The following ABCA7 variants were observed in gnomAD, a reference collection of about 807,000 sequenced individuals.
ABCA7 encodes the protein ATP binding cassette subfamily A member 7.
In ABCA7, 261 loss-of-function variants were observed where a neutral mutation model predicts 227.6. That is an observed-to-expected ratio of 1.15 (90% CI 1.04 to 1.27). The LOEUF (loss-of-function observed/expected upper bound fraction) is 1.27, where lower values mean the gene tolerates loss of function less well. Among genes scored for constraint, ABCA7 ranks in the 50% most tolerant of loss-of-function variants. The pLI is 0.00. For synonymous variants in ABCA7, 1,488 were observed against 1,279.7 expected (o/e 1.16, Z -3.47); for missense variants, 3,331 against 2,924.5 (o/e 1.14, Z -3.21).
chr19:1,044,111 T>A (rs964479773), intron 10 of ABCA7, among the ~76,000 whole-genome samples: 4 of 151,488 alleles, frequency 2.6e-5, no homozygotes, highest in African/African-American at 4.9e-5. Flanking sequence ...TGATTTTTTT[T>A]TTTTATTTTT....
In ABCA7 at chr19:1,046,973, C is replaced by G; in HGVS notation, c.1794C>G (p.Ser598Arg). The change falls in exon 14 of 47, where the codon AGC (serine) becomes AGG (arginine). Residue 598 changes from serine to arginine, a missense_variant. Transcript: ENST00000263094. ...TGCTCTGGCTAGGCTGGTTCCTCAG[C>G]TGCCTCGGGCCCTTCCTGCTCAGCG... is the stretch of plus-strand genomic sequence containing the variant. The part of the protein sequence containing the change: ...RAVLWLGWFL[S>R]CLGPFLLSAA... 1.3e-6 allele frequency: 2 copies of G among 1,583,756 alleles called. No individual in the cohort carries two copies. The highest frequency in any genetic ancestry group is 2.3e-5 in the South Asian group (2 of 87,220).
rs751280346 is a variant in ABCA7, at chr19:1,056,930, T to G, written c.4610T>G (p.Leu1537Arg). ...AGGATGGCCTCCTCGGTGGACGTCC[T>G]CGTCTCCATCTGTGTGGTCTTTGCC... ...GALMASSVDVLVSICVVFAMS... is the reference protein window; with the variant it reads ...GALMASSVDVRVSICVVFAMS... Residue 1537 changes from leucine (L) to arginine (R), a missense_variant, in exon 34 of 47, where the codon CTC becomes CGC. Coordinates refer to ENST00000263094, the MANE Select transcript of ABCA7 (RefSeq NM_019112.4). This position sits in a 1 kb window ranked among gnomAD's most constrained non-coding sequence, Gnocchi z 4.3. 1 of 1,613,948 alleles carries G rather than the reference T, an allele frequency of 6.2e-7. No individual in the cohort carries two copies. Among genetic ancestry groups the G allele is most frequent in the Admixed American group, 1.7e-5 (1 of 60,010 alleles).
In ABCA7 at chr19:1,051,555, T is replaced by C. The variant is rs777378517; in HGVS notation, c.2931T>C (p.Gly977=). The C allele has an allele frequency of 6.2e-7, 1 of 1,612,446 alleles. No homozygotes were observed. The highest frequency in any genetic ancestry group is 2.2e-5 in the East Asian group (1 of 44,874). ...TAGVDPASRR[G]IWELLLKYRE... is the part of the protein sequence containing the mutation. Reference sequence around the variant, plus strand: ...GCGTGGATCCTGCTTCCCGCCGCGGTATTTGGGAGCTGCTGCTCAAATACC... The same window carrying C: ...GCGTGGATCCTGCTTCCCGCCGCGGCATTTGGGAGCTGCTGCTCAAATACC... Residue 977 remains glycine, a synonymous_variant, in exon 21 of 47, where the codon GGT becomes GGC. Coordinates refer to ENST00000263094, the MANE Select transcript of ABCA7 (RefSeq NM_019112.4).
chr19:1,042,280 C>A (rs749699099), intron 5 of ABCA7, 35 bp from the exon 6 acceptor site: 4 of 1,577,894 alleles, frequency 2.5e-6, no homozygotes, highest in Non-Finnish European at 3.5e-6. Flanking sequence ...ACCAACGTCC[C>A]CCCAGCCCCA....
At chr19:1,051,883 C>T (rs2041667128) in intron 21 of ABCA7, 59 bp from the exon 22 acceptor site, 3 of 1,581,920 alleles carry the variant, frequency 1.9e-6, no homozygotes, top group Admixed American at 1.7e-5. Context: ...GCAGAGGCCC[C>T]AGCTCGGGCA....
At position 1,041,567 on chromosome 19, in the gene ABCA7, G is replaced by A. The variant is rs2040040054; in HGVS notation, c.124G>A (p.Val42Ile). ...PLFLFFILVA[V>I]RHSHPPLEHH... is the part of the protein sequence containing the mutation. ...CTTCCTCTTCTTCATCCTGGTGGCT[G>A]TTCGCCACTCCCACCCGCCCCTGGA... Residue 42 changes from valine (V) to isoleucine (I), a missense_variant, in exon 3 of 47, where the codon GTT becomes ATT. Coordinates refer to ENST00000263094, the MANE Select transcript of ABCA7 (RefSeq NM_019112.4). The A allele has an allele frequency of 1.2e-6, 2 of 1,612,846 alleles. No homozygotes were observed. The highest frequency in any genetic ancestry group is 8.5e-7 in the Non-Finnish European group (1 of 1,180,038).
Position 1,047,590 on chromosome 19 carries a change from C to T in ABCA7, c.2205C>T (p.Gly735=). The part of the protein sequence containing the change: ...ADVFSLAQVS[G]LLLLDAALYG... ...TCTTCAGCCTGGCCCAGGTCTCTGG[C>T]CTTCTGCTGCTGGACGCGGCGCTCT... The change falls in exon 16 of 47, where the codon GGC becomes GGT. Residue 735 remains glycine, a synonymous_variant. Coordinates refer to ENST00000263094, the MANE Select transcript of ABCA7 (RefSeq NM_019112.4). The T allele has an allele frequency of 6.2e-7, 1 of 1,603,530 alleles. No individual in the cohort carries two copies. Among genetic ancestry groups the T allele is most frequent in the Non-Finnish European group, 8.5e-7 (1 of 1,179,324 alleles).
chr19:1,058,213 G>C lies in ABCA7; in HGVS notation c.5093G>C (p.Arg1698Pro). 1 of 1,613,294 alleles carries C rather than the reference G, an allele frequency of 6.2e-7. No individual in the cohort carries two copies. The highest frequency in any genetic ancestry group is 8.5e-7 in the Non-Finnish European group (1 of 1,179,776). The change falls in exon 37 of 47, where the codon CGG (arginine) becomes CCG (proline). Residue 1698 changes from arginine (R) to proline (P), a missense_variant. Physicochemically the swap from Arg to Pro is moderately radical, Grantham distance 103 (BLOSUM62 -2). Transcript: ENST00000263094. ...ATCTTCCCCCACTTCTGCTTGGGCC[G>C]GGGGCTCATTGACATGGTGCGGAAC... is the stretch of plus-strand genomic sequence containing the variant. The part of the protein sequence containing the change: ...FLIFPHFCLG[R>P]GLIDMVRNQA...
chr19:1,052,091 G>A lies in ABCA7; in HGVS notation c.3112G>A (p.Val1038Met), dbSNP rs2041694717. The A allele has an allele frequency of 1.9e-6, 3 of 1,612,116 alleles. No individual in the cohort carries two copies. The highest frequency in any genetic ancestry group is 2.5e-6 in the Non-Finnish European group (3 of 1,179,868). The change falls in exon 22 of 47, where the codon GTG becomes ATG. Residue 1038 changes from valine (V) to methionine (M), a missense_variant. Physicochemically the swap from Val to Met is conservative, Grantham distance 21. Coordinates refer to ENST00000263094, the MANE Select transcript of ABCA7 (RefSeq NM_019112.4). ...GGGCTCCGGCTACTACCTGACGCTG[G>A]TGAAGGCCCGCCTGCCCCTGACCAC... is the stretch of plus-strand genomic sequence containing the variant. ...HLGSGYYLTL[V>M]KARLPLTTNE...
At chr19:1,057,464 T>G in intron 35 of ABCA7, 35 bp downstream of exon 35, 1 of 1,575,552 alleles carries the variant, frequency 6.3e-7, no homozygotes, top group East Asian at 2.2e-5. Context: ...CTATTCTTAC[T>G]GACCCCTTAC....
chr19:1,054,130 C>G lies in ABCA7; in HGVS notation c.3577+20C>G, dbSNP rs776412910. 6.2e-6 allele frequency: 10 copies of G among 1,612,630 alleles called. No individual in the cohort carries two copies. Among genetic ancestry groups the G allele is most frequent in the Non-Finnish European group, 8.5e-6 (10 of 1,179,764 alleles). ...AACCAGGTAAGTCCTTCCCAGTGGCCCTGGGGTCCTCCCAGCCACCCCCCC... is the reference window on the plus strand; with the variant it reads ...AACCAGGTAAGTCCTTCCCAGTGGCGCTGGGGTCCTCCCAGCCACCCCCCC... On this transcript the variant is annotated intron_variant, in intron 26 of 46. Coordinates refer to ENST00000263094, the MANE Select transcript of ABCA7 (RefSeq NM_019112.4). The surrounding 1 kb of genome is among the most constrained non-coding windows in gnomAD (Gnocchi z 4.8).
chr19:1,043,313 C>A, intron 8 of ABCA7, 21 bp from the exon 9 acceptor site: 1 of 1,612,664 alleles, frequency 6.2e-7, no homozygotes, highest in Non-Finnish European at 8.5e-7. Context: ...GGGGCAGGGC[C>A]TCATGGCACC....
At position 1,061,819 on chromosome 19, in the gene ABCA7, C is replaced by T. The variant is rs765436001; in HGVS notation, c.5501C>T (p.Thr1834Met). The change falls in exon 41 of 47, where the codon ACG (threonine) becomes ATG (methionine). Residue 1834 changes from threonine (T) to methionine (M), a missense_variant. Physicochemically the swap from Thr to Met is moderately conservative, Grantham distance 81 (BLOSUM62 -1). Transcript: ENST00000263094. ...CTGGGTGTGAATGGAGCAGGGAAGA[C>T]GTCCACGTTTCGCATGGTGACGGGG... ...GLLGVNGAGK[T>M]STFRMVTGDT... 9 of 1,611,242 alleles carry T rather than the reference C, an allele frequency of 5.6e-6. No homozygotes were observed. The highest frequency in any genetic ancestry group is 3.3e-5 in the South Asian group (3 of 90,666).
rs750941413 is a variant in ABCA7 at position 1,053,509 on chromosome 19, T to TCTCCGACACCAGC, written c.3405_3417dup (p.Glu1140ArgfsTer65). On this transcript the variant is annotated frameshift_variant, in exon 24 of 47. Transcript: ENST00000263094. LOFTEE classifies it high-confidence loss of function. The stretch of plus-strand genomic sequence containing the variant: ...GAGCTGAGGCTCACTGGCTACGGGA[T>TCTCCGACACCAGC]CTCCGACACCAGCCTCGAGGAGGTG... 36 of 1,572,966 alleles carry TCTCCGACACCAGC rather than the reference T, an allele frequency of 2.3e-5. No homozygotes were observed. The highest frequency in any genetic ancestry group is 2.6e-6 in the Non-Finnish European group (3 of 1,164,274).
At chr19:1,059,109 G>A (rs765343992) in intron 40 of ABCA7, 24 bp downstream of exon 40, 4 of 1,607,852 alleles carry the variant, frequency 2.5e-6, no homozygotes, top group Non-Finnish European at 2.5e-6. Context: ...TGGAGGCCAG[G>A]TGCAGGGACA....
intron 6 of ABCA7, 62 bp from the exon 7 acceptor site, chr19:1,042,684 A>G: frequency 6.6e-7 from 1 of 1,526,464 alleles, no homozygotes; most frequent in Non-Finnish European, 9.1e-7. Flanking sequence ...GGAACTGGCC[A>G]GAGCGCTGGA....
At chr19:1,044,038 A>G (rs1400317189) in intron 10 of ABCA7, among the ~76,000 whole-genome samples, 197 bp downstream of exon 10, 1 of 150,332 alleles carries the variant, frequency 6.7e-6, no homozygotes, top group Non-Finnish European at 1.5e-5. Flanking sequence ...CCCGGGTTCA[A>G]GCGATTCTCC....
chr19:1,054,262 T>C lies in ABCA7; in HGVS notation c.3647T>C (p.Leu1216Pro). The stretch of plus-strand genomic sequence containing the variant: ...GTGGGCCGGGTACAGGGCTGGGCAC[T>C]GACCCGCCAGCAGCTCCAGGCCCTG... ...DAVGRVQGWA[L>P]TRQQLQALLL... The change falls in exon 27 of 47, where the codon CTG becomes CCG. Residue 1216 changes from leucine (L) to proline (P), a missense_variant. Transcript: ENST00000263094. The surrounding 1 kb of genome is among the most constrained non-coding windows in gnomAD (Gnocchi z 4.8). 5 of 1,608,448 alleles carry C rather than the reference T, an allele frequency of 3.1e-6. No individual in the cohort carries two copies. Among genetic ancestry groups the C allele is most frequent in the Non-Finnish European group, 4.2e-6 (5 of 1,179,130 alleles).
chr19:1,045,150 C>G lies in ABCA7; in HGVS notation c.1364C>G (p.Pro455Arg). ...TCAGACCCCACAGAGCACCCAACCC[C>G]AGACCTGGGCCCCGGCCACGTGCGC... Reference protein sequence around the residue: ...DSSDPTEHPTPDLGPGHVRIK... With the variant: ...DSSDPTEHPTRDLGPGHVRIK... The change falls in exon 12 of 47, where the codon CCA (proline) becomes CGA (arginine). Residue 455 changes from proline to arginine, a missense_variant. Coordinates refer to ENST00000263094, the MANE Select transcript of ABCA7 (RefSeq NM_019112.4). 1.9e-6 allele frequency: 3 copies of G among 1,612,972 alleles called. No homozygotes were observed. The highest frequency in any genetic ancestry group is 2.5e-6 in the Non-Finnish European group (3 of 1,180,018).
Sources: gnomAD v4.1 joint callset for allele counts (sites outside exome capture counted in the v4.1 genomes callset) on GRCh38, gnomAD v4.1.1 for gene constraint, Gnocchi (gnomAD v3.1) non-coding constraint, MANE v1.5 for transcripts, NCBI Gene and HGNC (gene_info 2026-07-23, HGNC 2026-07-21) for gene names.